The following AMMECR1 variants were observed in gnomAD, a reference collection of about 807,000 sequenced individuals.
AMMECR1 encodes the protein AMMECR nuclear protein 1.
Under a neutral mutation model 22.5 loss-of-function variants are expected in AMMECR1, and 3 were observed. The ratio of observed to expected loss-of-function variants is 0.13; its 90% CI spans 0.06 to 0.35. The LOEUF is 0.35. Ranked by LOEUF, AMMECR1 falls within the 10% of genes least tolerant of loss-of-function variation. The pLI is 1.00. For missense variants in AMMECR1, 235 were observed against 278.7 expected (o/e 0.84, Z 1.12); for synonymous variants, 130 against 116.7 (o/e 1.11, Z -0.74).
chrX:110,382,047 TTAATC>T (rs2068423957), intron 2 of AMMECR1, among the ~76,000 whole-genome samples: 1 of 111,720 alleles, frequency 9.0e-6, no homozygotes, highest in Non-Finnish European at 1.9e-5. Context: ...TTTAGACAGA[TTAATC>T]TAATTCAAGT....
intron 3 of AMMECR1, among the ~76,000 whole-genome samples, chrX:110,214,045 C>CGAGGTCAGGA (rs1210228088): frequency 9.1e-6 from 1 of 110,454 alleles, no homozygotes; most frequent in African/African-American, 3.3e-5. Flanking sequence ...GGGTGGATCA[C>CGAGGTCAGGA]GAGGTCAGGA....
intron 2 of AMMECR1, among the ~76,000 whole-genome samples, chrX:110,410,165 G>C (rs148789669): frequency 9.0e-6 from 1 of 111,583 alleles, no homozygotes; most frequent in East Asian, 2.8e-4. Context: ...CACAGAGCAA[G>C]TCATGGCAGA....
At chrX:110,286,479 G>A (rs1459593746) in intron 1 of AMMECR1, among the ~76,000 whole-genome samples, 2 of 109,044 alleles carry the variant, frequency 1.8e-5, no homozygotes, top group African/African-American at 6.7e-5. Flanking sequence ...AGACCACCCT[G>A]AGCAACATAG....
intron 2 of AMMECR1, among the ~76,000 whole-genome samples, chrX:110,326,442 T>C (rs771088609): frequency 8.9e-6 from 1 of 112,581 alleles, no homozygotes; most frequent in South Asian, 3.7e-4. Flanking sequence ...CTGTTTTTTA[T>C]TTCTAATTTC....
chrX:110,330,170 A>T (rs778131400), intron 2 of AMMECR1, among the ~76,000 whole-genome samples: 1 of 111,783 alleles, frequency 8.9e-6, no homozygotes, highest in Admixed American at 9.5e-5. Context: ...CCGTTACTAC[A>T]CTTCAATCCT....
intron 2 of AMMECR1, among the ~76,000 whole-genome samples, chrX:110,410,050 G>T (rs765028446): frequency 3.9e-4 from 44 of 111,941 alleles, no homozygotes; most frequent in African/African-American, 1.3e-3. Flanking sequence ...CAGTATCACT[G>T]GTGATTTTGA....
chrX:110,281,014 T>C (rs1417031834), intron 1 of AMMECR1, among the ~76,000 whole-genome samples: 1 of 112,171 alleles, frequency 8.9e-6, no homozygotes, highest in African/African-American at 3.2e-5. Flanking sequence ...TTTTACCAAA[T>C]TGCTTTCCAG....
chrX:110,257,655 A>G (rs1247415030), intron 2 of AMMECR1, among the ~76,000 whole-genome samples: 1 of 112,243 alleles, frequency 8.9e-6, no homozygotes, highest in Non-Finnish European at 1.9e-5. Flanking sequence ...TGCTTTTATA[A>G]AAAGTGAACT....
At chrX:110,381,902 A>G (rs773935524) in intron 2 of AMMECR1, among the ~76,000 whole-genome samples, 6 of 110,951 alleles carry the variant, frequency 5.4e-5, no homozygotes, top group African/African-American at 2.0e-4. Context: ...GACATTAAGG[A>G]CTCCAAAAAC....
chrX:110,417,480 AT>A (rs371569472), intron 2 of AMMECR1, among the ~76,000 whole-genome samples: 5,475 of 108,541 alleles, frequency 0.05, 342 homozygotes, highest in African/African-American at 0.17. Flanking sequence ...GCAAATGAGC[AT>A]TTTTTTTTTA....
At chrX:110,365,240 A>G (rs1393119211) in intron 2 of AMMECR1, among the ~76,000 whole-genome samples, 1 of 111,924 alleles carries the variant, frequency 8.9e-6, no homozygotes, top group African/African-American at 3.3e-5. Context: ...CTGAGTTAGT[A>G]TATCTGAAGA....
At chrX:110,407,627 G>C (rs2068611930) in intron 2 of AMMECR1, among the ~76,000 whole-genome samples, 2 of 111,955 alleles carry the variant, frequency 1.8e-5, no homozygotes, top group Non-Finnish European at 3.8e-5. Context: ...GATAGACCCT[G>C]GACTTGAACT....
intron 2 of AMMECR1, among the ~76,000 whole-genome samples, chrX:110,259,235 G>A (rs1176271157): frequency 9.0e-6 from 1 of 111,173 alleles, no homozygotes; most frequent in Admixed American, 9.5e-5. Context: ...ACAAAACACA[G>A]CACATCACCT....
chrX:110,259,874 C>T (rs917418716), intron 2 of AMMECR1, among the ~76,000 whole-genome samples: 2 of 111,351 alleles, frequency 1.8e-5, no homozygotes, highest in African/African-American at 3.3e-5. Context: ...TGAGCCACCG[C>T]GCCCGGCCAG....
intron 2 of AMMECR1, among the ~76,000 whole-genome samples, chrX:110,351,083 T>C (rs910404151): frequency 1.8e-5 from 2 of 112,435 alleles, no homozygotes; most frequent in Non-Finnish European, 3.8e-5. Context: ...TGAAACGTTT[T>C]TGAAAGAAGT....
At chrX:110,370,699 A>G (rs1231427872) in intron 2 of AMMECR1, among the ~76,000 whole-genome samples, 1 of 112,508 alleles carries the variant, frequency 8.9e-6, no homozygotes, top group Non-Finnish European at 1.9e-5. Flanking sequence ...GCAAGCTGGT[A>G]ATTTAAAAAA....
chrX:110,271,951 G>A (rs962374302), intron 1 of AMMECR1, among the ~76,000 whole-genome samples: 18 of 111,547 alleles, frequency 1.6e-4, no homozygotes, highest in Non-Finnish European at 3.4e-4. Flanking sequence ...TAGGCTGGGC[G>A]CAGTGGCTCA....
chrX:110,407,063 G>A (rs955316098), intron 2 of AMMECR1, among the ~76,000 whole-genome samples: 45 of 111,483 alleles, frequency 4.0e-4, no homozygotes, highest in African/African-American at 1.4e-3. Flanking sequence ...TTGCGCAAAC[G>A]CTGCTTTAGG....
intron 2 of AMMECR1, among the ~76,000 whole-genome samples, chrX:110,223,823 C>T (rs1245520293): frequency 1.8e-5 from 2 of 111,993 alleles, no homozygotes; most frequent in Non-Finnish European, 3.8e-5. Context: ...CACTATTTCA[C>T]AGTTCTCTAG....
Sources: gnomAD v4.1 joint callset for allele counts (sites outside exome capture counted in the v4.1 genomes callset) on GRCh38, gnomAD v4.1.1 for gene constraint, MANE v1.5 for transcripts, NCBI Gene and HGNC (gene_info 2026-07-23, HGNC 2026-07-21) for gene names.